Variants in NAALADL2 observed in about 807,000 individuals in gnomAD.
NAALADL2 encodes the protein N-acetylated alpha-linked acidic dipeptidase like 2.
A neutral mutation model predicts 87.2 loss-of-function variants in NAALADL2; 76 were observed. The ratio of observed to expected loss-of-function variants is 0.87; its 90% CI spans 0.72 to 1.05. NAALADL2 has a LOEUF of 1.05. Among genes scored for constraint, NAALADL2 ranks in the 50% least tolerant of loss-of-function variants. NAALADL2 has a pLI of 0.00. For synonymous variants in NAALADL2, 354 were observed against 331.0 expected, an observed-to-expected ratio of 1.07 and a Z score of -0.75; for missense variants, 1,089 against 945.8, an observed-to-expected ratio of 1.15 and a Z score of -1.99.
intron 10 of NAALADL2, among the ~76,000 whole-genome samples, chr3:175,625,074 A>C (rs1726793033): frequency 6.6e-6 from 1 of 152,078 alleles, no homozygotes. Context: ...AGGATACTAA[A>C]TCAACCTAGA....
chr3:175,292,992 G>C (rs1218581554), intron 4 of NAALADL2, among the ~76,000 whole-genome samples: 2 of 134,808 alleles, frequency 1.5e-5, no homozygotes, highest in East Asian at 2.2e-4. Flanking sequence ...AGCCGAGATA[G>C]CGCCACTGCA....
intron 1 of NAALADL2, among the ~76,000 whole-genome samples, chr3:174,483,527 G>A (rs1379349797): frequency 3.9e-5 from 6 of 152,018 alleles, no homozygotes; most frequent in Non-Finnish European, 8.8e-5. Flanking sequence ...TACAATTCAA[G>A]ATGAGATTTG....
chr3:175,238,050 C>T (rs1746210881), intron 3 of NAALADL2, among the ~76,000 whole-genome samples: 1 of 151,952 alleles, frequency 6.6e-6, no homozygotes, highest in Admixed American at 6.6e-5. Flanking sequence ...GCTAATGAAA[C>T]TGGGTGGGGT....
intron 3 of NAALADL2, among the ~76,000 whole-genome samples, chr3:174,850,366 G>T (rs1725113926): frequency 6.6e-6 from 1 of 151,922 alleles, no homozygotes; most frequent in Admixed American, 6.6e-5. Context: ...CCAGTTAAAT[G>T]CTACCAACAA....
intron 2 of NAALADL2, among the ~76,000 whole-genome samples, chr3:174,650,098 T>G (rs1353346431): frequency 6.6e-6 from 1 of 152,158 alleles, no homozygotes; most frequent in Admixed American, 6.5e-5. Context: ...AACAAATTTA[T>G]TTTTTATTCA....
intron 3 of NAALADL2, among the ~76,000 whole-genome samples, chr3:174,772,535 A>G (rs1043231220): frequency 1.3e-5 from 2 of 152,196 alleles, no homozygotes; most frequent in African/African-American, 4.8e-5. Context: ...TGATTAAATA[A>G]AATAAGCAGT....
intron 3 of NAALADL2, among the ~76,000 whole-genome samples, chr3:174,740,018 G>C (rs1733615128): frequency 1.3e-5 from 2 of 151,876 alleles, no homozygotes; most frequent in Admixed American, 6.6e-5. Flanking sequence ...TTTTATAAAA[G>C]CATTTTGTAA....
chr3:175,604,569 G>A (rs555355457), intron 10 of NAALADL2, among the ~76,000 whole-genome samples: 1 of 152,166 alleles, frequency 6.6e-6, no homozygotes, highest in East Asian at 1.9e-4. Context: ...CTCCCACAGT[G>A]CTGGGATTCC....
chr3:174,775,050 T>C (rs1366487343), intron 3 of NAALADL2, among the ~76,000 whole-genome samples: 1 of 152,128 alleles, frequency 6.6e-6, no homozygotes, highest in Non-Finnish European at 1.5e-5. Context: ...GCCACTGTTA[T>C]GAGTATAATC....
At chr3:175,502,645 G>A (rs922131614) in intron 9 of NAALADL2, among the ~76,000 whole-genome samples, 1 of 151,958 alleles carries the variant, frequency 6.6e-6, no homozygotes, top group Non-Finnish European at 1.5e-5. Flanking sequence ...GAACTTCACA[G>A]CCTCGTTAAT....
chr3:174,947,854 C>T (rs1370023698), intron 1 of NAALADL2, among the ~76,000 whole-genome samples: 1 of 152,022 alleles, frequency 6.6e-6, no homozygotes, highest in Non-Finnish European at 1.5e-5. Flanking sequence ...CAAAGACTTG[C>T]ACTGAGCTTT....
intron 1 of NAALADL2, among the ~76,000 whole-genome samples, chr3:174,459,087 A>T (rs1716039973): frequency 1.3e-5 from 2 of 152,264 alleles, no homozygotes; most frequent in African/African-American, 4.8e-5. Flanking sequence ...GAAAATAAAG[A>T]TTATGCAGTG....
intron 5 of NAALADL2, among the ~76,000 whole-genome samples, chr3:175,405,239 A>C: frequency 6.6e-6 from 1 of 152,150 alleles, no homozygotes; most frequent in East Asian, 1.9e-4. Flanking sequence ...CATTTAATTT[A>C]TAATTTTATC....
At chr3:174,554,997 C>G (rs1712581381) in intron 2 of NAALADL2, among the ~76,000 whole-genome samples, 3 of 152,094 alleles carry the variant, frequency 2.0e-5, no homozygotes, top group Admixed American at 1.3e-4. Context: ...CTTTGAGTTT[C>G]TTTTTACAAG....
At chr3:174,999,477 G>A (rs1747948218) in intron 1 of NAALADL2, among the ~76,000 whole-genome samples, 1 of 152,074 alleles carries the variant, frequency 6.6e-6, no homozygotes, top group African/African-American at 2.4e-5. Flanking sequence ...CCAATTTACT[G>A]AAGAAAGCAT....
At chr3:174,930,519 TA>T (rs1261625532) in intron 1 of NAALADL2, among the ~76,000 whole-genome samples, 2 of 147,994 alleles carry the variant, frequency 1.4e-5, no homozygotes, top group East Asian at 4.0e-4. Flanking sequence ...GGTGGAAAAA[TA>T]AAAATACAGC....
At chr3:175,750,624 A>C (rs555395305) in intron 12 of NAALADL2, among the ~76,000 whole-genome samples, 19 of 152,136 alleles carry the variant, frequency 1.2e-4, no homozygotes, top group Non-Finnish European at 2.6e-4. Flanking sequence ...AATTGCTTTA[A>C]TGTAGATAAC....
At chr3:175,103,612 A>G (rs141129906) in intron 2 of NAALADL2, among the ~76,000 whole-genome samples, 18 of 152,304 alleles carry the variant, frequency 1.2e-4, no homozygotes, top group African/African-American at 4.3e-4. Context: ...GCCCTTATTA[A>G]TTGATCAGAA....
rs566011115 is a variant in NAALADL2 at position 174,698,680 on chromosome 3, T to C, written c.-114-38961T>C. Among the ~76,000 whole-genome samples, 658 of 134,682 alleles carry C rather than the reference T, an allele frequency of 4.9e-3. 66 individuals are homozygous for C. The highest frequency in any genetic ancestry group is 5.6e-3 in the Non-Finnish European group (374 of 66,488). The allele number at this position is 134,682 out of a possible 152,430, so 88.4% of individuals were successfully genotyped here. A position where few individuals can be genotyped will look rare whatever the true frequency, so the allele number is the denominator to read the frequency against. ...GAGATCGAGACCATCCCGGCTAAAA[T>C]GGTGAAACCCCGTCTCTACTAAAAA... On this transcript the variant is annotated intron_variant, in intron 2 of 3. Transcript: ENST00000434257.
Sources: allele counts gnomAD v4.1 joint callset (sites outside exome capture counted in the v4.1 genomes callset), GRCh38; gene constraint gnomAD v4.1.1; transcripts MANE v1.5; gene names NCBI Gene and HGNC (gene_info 2026-07-23, HGNC 2026-07-21).